The following SCARB2 variants were observed in gnomAD, a reference collection of about 807,000 sequenced individuals.
The protein encoded by SCARB2 is scavenger receptor class B member 2.
Under a neutral mutation model 58.6 loss-of-function variants are expected in SCARB2, and 29 were observed. The observed-to-expected ratio is 0.49, with a 90% CI of 0.37 to 0.67. The LOEUF (loss-of-function observed/expected upper bound fraction) is 0.67, where lower values mean the gene tolerates loss of function less well. SCARB2 is among the 30% of genes least tolerant of loss of function. The pLI is 0.00. For missense variants in SCARB2, 488 were observed against 578.5 expected, an observed-to-expected ratio of 0.84 and a Z score of 1.60; for synonymous variants, 195 against 210.1, an observed-to-expected ratio of 0.93 and a Z score of 0.62.
At chr4:76,193,291 T>C (rs1413400765) in intron 2 of SCARB2, 1 of 152,380 alleles carries the variant, frequency 6.6e-6, no homozygotes, top group African/African-American at 2.4e-5. Flanking sequence ...AAAGCCTAAG[T>C]GCCCCAGCAG....
Position 76,179,547 on chromosome 4 carries a change from A to G in SCARB2, c.582T>C (p.Asp194=), listed in dbSNP as rs772085575. The part of the protein sequence containing the change: ...ILSLIHVFRP[D]ISPYFGLFYE... ...AGAATAGGCCAAAATAGGGAGAGAT[A>G]TCGGGCCTGAAAACATGGATAAGGG... Residue 194 remains aspartate (D), a synonymous_variant, in exon 4 of 12, where the codon GAT becomes GAC. Coordinates refer to ENST00000264896, the MANE Select transcript of SCARB2 (RefSeq NM_005506.4). The G allele has an allele frequency of 4.3e-6, 7 of 1,614,186 alleles. No homozygotes were observed. In the Admixed American group the frequency reaches 1.2e-4, roughly 27 times the overall value.
At position 76,200,175 on chromosome 4, in the gene SCARB2, G is replaced by A. The variant is rs185821021; in HGVS notation, c.118-4311C>T. On this transcript the variant is annotated intron_variant, in intron 1 of 11. Transcript: ENST00000264896. ...TTGGGAACAACTGATCTTCCTCACC[G>A]AGGGTTCTGCTGTGGTGATGACAGC... is the stretch of plus-strand genomic sequence containing the variant. Among the ~76,000 whole-genome samples the A allele has an allele frequency of 5.5e-4, 84 of 152,322 alleles. No individual in the cohort carries two copies. In the Middle Eastern group the frequency reaches 0.01, roughly 19 times the overall value.
At chr4:76,180,409 T>G (rs1236484143) in intron 3 of SCARB2, 1 of 151,966 alleles carries the variant, frequency 6.6e-6, no homozygotes. Flanking sequence ...AAAGAAAGTC[T>G]CATGGGTCTC....
intron 1 of SCARB2, among the ~76,000 whole-genome samples, chr4:76,230,499 C>A (rs546052024): frequency 3.3e-5 from 5 of 152,200 alleles, no homozygotes; most frequent in South Asian, 2.1e-4. Context: ...TCTGCCCACA[C>A]GATGGGCCAT....
intron 4 of SCARB2, 139 bp from the exon 5 acceptor site, chr4:76,176,667 C>G: frequency 1.6e-6 from 1 of 641,340 alleles, no homozygotes. Flanking sequence ...TGATTAATAT[C>G]TACAATCCGT....
At chr4:76,228,387 G>A (rs113789302) in intron 1 of SCARB2, among the ~76,000 whole-genome samples, 8,025 of 151,864 alleles carry the variant, frequency 0.053, 247 homozygotes, top group Middle Eastern at 0.088. Context: ...GCAGAGGCAG[G>A]AGAATCACTT....
At chr4:76,197,083 C>G (rs1255596892) in intron 1 of SCARB2, among the ~76,000 whole-genome samples, 1 of 152,318 alleles carries the variant, frequency 6.6e-6, no homozygotes, top group East Asian at 1.9e-4. Flanking sequence ...AGAAGACAGG[C>G]CTCAGAAGAA....
intron 2 of SCARB2, 56 bp downstream of exon 2, chr4:76,195,651 G>A: frequency 6.7e-7 from 1 of 1,493,496 alleles, no homozygotes; most frequent in Non-Finnish European, 9.3e-7. Context: ...CAAGGACTCA[G>A]GCCATATTGG....
intron 1 of SCARB2, among the ~76,000 whole-genome samples, chr4:76,202,945 T>A (rs1000024148): frequency 2.6e-5 from 4 of 152,218 alleles, no homozygotes; most frequent in Non-Finnish European, 5.9e-5. Context: ...GTTGCTTTCA[T>A]GCTGAAGTAA....
chr4:76,175,166 T>C (rs758851354), intron 6 of SCARB2: 1 of 152,832 alleles, frequency 6.5e-6, no homozygotes, highest in African/African-American at 2.4e-5. Context: ...GATAAAATAC[T>C]CTAACAAATA....
chr4:76,225,345 T>A (rs1020911185), intron 1 of SCARB2, among the ~76,000 whole-genome samples: 6 of 152,202 alleles, frequency 3.9e-5, no homozygotes, highest in Non-Finnish European at 4.4e-5. Context: ...CAGCGAACAG[T>A]GACAGTTTGA....
At position 76,213,272 on chromosome 4, in the gene SCARB2, C is replaced by G. The variant is rs1028481767; in HGVS notation, c.117+155G>C. 8 of 696,206 alleles carry G rather than the reference C, an allele frequency of 1.1e-5. No individual in the cohort carries two copies. The East Asian group carries it at 1.4e-4, about 12-fold the overall frequency. The allele number at this position is 696,206 out of a possible 1,614,324, so 43.1% of individuals were successfully genotyped here. On this transcript the variant is annotated intron_variant, in intron 1 of 11. Transcript: ENST00000264896. The stretch of plus-strand genomic sequence containing the variant: ...CATCCTTCCTCATCCTTCTTTAACC[C>G]TCGCCTACCAAGCCCTGGAAGACAG...
At chr4:76,171,318 T>C (rs1732125359) in intron 7 of SCARB2, among the ~76,000 whole-genome samples, 1 of 152,158 alleles carries the variant, frequency 6.6e-6, no homozygotes, top group Non-Finnish European at 1.5e-5. Flanking sequence ...TTTCTAACTC[T>C]CACACAACCT....
At chr4:76,200,189 G>T (rs1732801606) in intron 1 of SCARB2, among the ~76,000 whole-genome samples, 1 of 152,196 alleles carries the variant, frequency 6.6e-6, no homozygotes, top group Admixed American at 6.5e-5. Flanking sequence ...GTTCTGCTGT[G>T]GTGATGACAG....
At chr4:76,169,341 C>CACACACACACATAT (rs3217498) in intron 8 of SCARB2, among the ~76,000 whole-genome samples, 18,059 of 151,082 alleles carry the variant, frequency 0.12, 1,123 homozygotes, top group East Asian at 0.2. Flanking sequence ...CACACACACA[C>CACACACACACATAT]GTGTGTATGT....
intron 8 of SCARB2, among the ~76,000 whole-genome samples, 155 bp downstream of exon 8, chr4:76,169,712 A>C (rs1732090268): frequency 6.6e-6 from 1 of 152,212 alleles, no homozygotes; most frequent in Non-Finnish European, 1.5e-5. Context: ...GGGCTATGAG[A>C]CAATGCCTCC....
chr4:76,225,525 G>A (rs112796958), intron 1 of SCARB2, among the ~76,000 whole-genome samples: 5,284 of 152,260 alleles, frequency 0.035, 261 homozygotes, highest in African/African-American at 0.11. Context: ...CTGTGGGTTT[G>A]TCATAGATGG....
At chr4:76,175,683 T>C (rs566892188) in intron 6 of SCARB2, 108 bp downstream of exon 6, 39 of 1,326,960 alleles carry the variant, frequency 2.9e-5, no homozygotes, top group Middle Eastern at 2.2e-4. Flanking sequence ...TGATTATGCA[T>C]AAATATCCAT....
At chr4:76,213,360 G>T in intron 1 of SCARB2, 67 bp downstream of exon 1, 1 of 1,072,698 alleles carries the variant, frequency 9.3e-7, no homozygotes, top group Non-Finnish European at 1.4e-6. Context: ...CATACAAGAT[G>T]TAGCAGCAGG....
Sources: allele counts gnomAD v4.1 joint callset (sites outside exome capture counted in the v4.1 genomes callset), GRCh38; gene constraint gnomAD v4.1.1; transcripts MANE v1.5; gene names NCBI Gene and HGNC (gene_info 2026-07-23, HGNC 2026-07-21).